The following STPG2 variants were observed in gnomAD, a reference collection of about 807,000 sequenced individuals.
The protein encoded by STPG2 is sperm-tail PG-rich repeat-containing protein 2.
A neutral mutation model predicts 54.2 loss-of-function variants in STPG2; 56 were observed. That is an observed-to-expected ratio of 1.03 (90% CI 0.83 to 1.29). The LOEUF (loss-of-function observed/expected upper bound fraction) is 1.29. Ranked by LOEUF, STPG2 falls within the 50% of genes most tolerant of loss-of-function variation. The pLI, the probability that STPG2 is intolerant of heterozygous loss-of-function variation, is 0.00. For missense variants in STPG2, 596 were observed against 544.9 expected (o/e 1.09, Z -0.93); for synonymous variants, 200 against 181.8 (o/e 1.10, Z -0.81).
At chr4:97,952,101 T>C (rs1733494505) in intron 7 of STPG2, among the ~76,000 whole-genome samples, 1 of 152,142 alleles carries the variant, frequency 6.6e-6, no homozygotes, top group African/African-American at 2.4e-5. Context: ...TTCAGGAATG[T>C]TGATGTTCCA....
At chr4:98,074,962 A>G (rs1738115538) in intron 5 of STPG2, among the ~76,000 whole-genome samples, 1 of 151,410 alleles carries the variant, frequency 6.6e-6, no homozygotes, top group African/African-American at 2.4e-5. Context: ...TAAACTCTGA[A>G]TTATGTTATC....
chr4:97,863,505 A>G (rs1729642541), intron 8 of STPG2, among the ~76,000 whole-genome samples: 1 of 152,232 alleles, frequency 6.6e-6, no homozygotes, highest in South Asian at 2.1e-4. Context: ...TCATAGCCGA[A>G]TTCTACCAGA....
chr4:97,630,779 A>G (rs2148932387), intron 10 of STPG2, among the ~76,000 whole-genome samples: 1 of 151,974 alleles, frequency 6.6e-6, no homozygotes, highest in East Asian at 1.9e-4. Context: ...GTGGCTTCTC[A>G]TGTTTGTTTT....
In STPG2 at chr4:98,105,977, T is replaced by C. The variant is rs760699706; in HGVS notation, c.588A>G (p.Ile196Met). The C allele has an allele frequency of 4.3e-5, 67 of 1,569,026 alleles. No individual in the cohort carries two copies. The highest frequency in any genetic ancestry group is 5.4e-5 in the Non-Finnish European group (62 of 1,146,008). ...YCSFIPRLYE[I>M]IVLQEKKKRF... ...CCTTTTTTTTCTCCTGCAATACTAT[T>C]ATTTCATATAGTCGTGGGATAAATG... The change falls in exon 5 of 11, where the codon ATA (isoleucine) becomes ATG (methionine). Residue 196 changes from isoleucine (I) to methionine (M), a missense_variant. Physicochemically the swap from Ile to Met is conservative, Grantham distance 10. Coordinates refer to ENST00000295268, the MANE Select transcript of STPG2 (RefSeq NM_174952.3).
chr4:97,564,464 G>A (rs983407893), intron 10 of STPG2, among the ~76,000 whole-genome samples: 1 of 152,182 alleles, frequency 6.6e-6, no homozygotes, highest in African/African-American at 2.4e-5. Flanking sequence ...GTGTGTATTT[G>A]AGCCTGTCAT....
intron 10 of STPG2, among the ~76,000 whole-genome samples, chr4:97,577,352 C>A (rs769634643): frequency 2.6e-5 from 4 of 152,026 alleles, no homozygotes. Context: ...GGTATCCATA[C>A]GTGGAGGACT....
intron 8 of STPG2, among the ~76,000 whole-genome samples, chr4:97,926,939 GT>G (rs1732351756): frequency 6.6e-6 from 1 of 151,972 alleles, no homozygotes; most frequent in Admixed American, 6.6e-5. Context: ...AATAAATGTT[GT>G]ACGTAATAAC....
At chr4:97,489,687 C>T (rs1730456660) in intron 4 of STPG2, 1 of 151,638 alleles carries the variant, frequency 6.6e-6, no homozygotes, top group Admixed American at 6.6e-5. Flanking sequence ...GGAAAAAATA[C>T]TAGCATCTCT....
At chr4:97,781,480 A>G (rs979020591) in intron 9 of STPG2, among the ~76,000 whole-genome samples, 28 of 152,226 alleles carry the variant, frequency 1.8e-4, no homozygotes, top group Non-Finnish European at 3.5e-4. Context: ...AGATGGATTC[A>G]CAGCCGAATT....
chr4:97,830,873 C>G (rs890881358), intron 9 of STPG2, among the ~76,000 whole-genome samples: 1 of 152,096 alleles, frequency 6.6e-6, no homozygotes, highest in Non-Finnish European at 1.5e-5. Context: ...ATTCCTAAAG[C>G]AAATTCTTAG....
intron 9 of STPG2, among the ~76,000 whole-genome samples, chr4:97,840,192 C>A (rs1245472830): frequency 1.3e-5 from 2 of 151,346 alleles, no homozygotes; most frequent in Non-Finnish European, 3.0e-5. Context: ...AAAAATAATT[C>A]TGTACAACTG....
intron 8 of STPG2, among the ~76,000 whole-genome samples, chr4:97,864,405 G>C (rs1176168525): frequency 6.6e-6 from 1 of 152,130 alleles, no homozygotes; most frequent in Non-Finnish European, 1.5e-5. Context: ...ATCTCTTCAA[G>C]GAGAACTACA....
intron 4 of STPG2, among the ~76,000 whole-genome samples, chr4:97,488,016 T>C (rs1010642574): frequency 3.3e-5 from 5 of 151,702 alleles, no homozygotes; most frequent in African/African-American, 1.2e-4. Flanking sequence ...GAAAAAGATA[T>C]ACAATTCCAT....
intron 10 of STPG2, among the ~76,000 whole-genome samples, chr4:97,626,153 A>T (rs906178026): frequency 7.2e-5 from 11 of 152,308 alleles, no homozygotes; most frequent in African/African-American, 2.4e-4. Context: ...ATATAAAATA[A>T]TATTTTTATT....
In STPG2 at chr4:97,448,295, G is replaced by A. The variant is rs192176789; in HGVS notation, c.463-260462C>T. On this transcript the variant is annotated intron_variant, in intron 4 of 4. Transcript: ENST00000522676. ...GAGCTAATGCTGAAGTAAGTGTTTGGGGGACTGTTGGGAAGGCATGATTTG... is the reference window on the plus strand; with the variant it reads ...GAGCTAATGCTGAAGTAAGTGTTTGAGGGACTGTTGGGAAGGCATGATTTG... 3.3e-5 allele frequency among the ~76,000 whole-genome samples: 5 copies of A among 152,250 alleles called. No individual in the cohort carries two copies. The South Asian group carries it at 1.0e-3, about 32-fold the overall frequency.
At chr4:97,680,874 C>T (rs1423247177) in intron 10 of STPG2, among the ~76,000 whole-genome samples, 3 of 151,754 alleles carry the variant, frequency 2.0e-5, no homozygotes, top group African/African-American at 7.3e-5. Flanking sequence ...GCCTTCTTCC[C>T]CTCCAAGATT....
At chr4:97,899,318 A>T (rs1286971234) in intron 8 of STPG2, among the ~76,000 whole-genome samples, 1 of 151,996 alleles carries the variant, frequency 6.6e-6, no homozygotes, top group Admixed American at 6.6e-5. Flanking sequence ...CACAGAAATC[A>T]GAGAAGACAC....
chr4:97,731,538 A>G (rs17545594), intron 9 of STPG2, among the ~76,000 whole-genome samples: 50,071 of 152,004 alleles, frequency 0.33, 9,673 homozygotes, highest in Non-Finnish European at 0.43. Flanking sequence ...TGCTTCCCCA[A>G]CCAGGTCTCC....
chr4:98,096,405 G>A (rs7441723), intron 5 of STPG2, among the ~76,000 whole-genome samples: 8 of 150,558 alleles, frequency 5.3e-5, no homozygotes, highest in Non-Finnish European at 5.9e-5. Context: ...CTCAAAAAAA[G>A]AAAAAAAAAA....
Sources: allele counts gnomAD v4.1 joint callset (sites outside exome capture counted in the v4.1 genomes callset), GRCh38; gene constraint gnomAD v4.1.1; transcripts MANE v1.5; gene names NCBI Gene and HGNC (gene_info 2026-07-23, HGNC 2026-07-21).